SDK1: variants seen among roughly 807,000 people sequenced by gnomAD.
SDK1 encodes sidekick cell adhesion molecule 1.
A neutral mutation model predicts 245.5 loss-of-function variants in SDK1; 157 were observed. The ratio of observed to expected loss-of-function variants is 0.64; its 90% CI spans 0.56 to 0.73. The LOEUF (loss-of-function observed/expected upper bound fraction) is 0.73, where lower values mean the gene tolerates loss of function less well. Among genes scored for constraint, SDK1 ranks in the 30% least tolerant of loss-of-function variants. The probability of loss-of-function intolerance (pLI) is 0.00; values close to 1 mark genes in which losing one functional copy is unlikely to be tolerated. For missense variants in SDK1, 3,583 were observed against 3,002.3 expected (o/e 1.19, Z -4.52); for synonymous variants, 1,647 against 1,278.5 (o/e 1.29, Z -6.15).
chr7:4,065,694 GTTTTTTTTTTTTTTTTTTTTTT>G (rs749991713), intron 19 of SDK1, among the ~76,000 whole-genome samples: 1 of 66,720 alleles, frequency 1.5e-5, no homozygotes, highest in East Asian at 1.0e-3. Flanking sequence ...AGTGGTTGTT[GTTTTTTTTTTTTTTTTTTTTTT>G]TTTTTTTTTT....
intron 7 of SDK1, 75 bp downstream of exon 7, chr7:3,951,995 A>T (rs1780871091): frequency 7.3e-7 from 1 of 1,373,076 alleles, no homozygotes; most frequent in Non-Finnish European, 1.0e-6. Context: ...GCAGAAACAA[A>T]ATAGCGTATT....
rs181259497 is a variant in SDK1, at chr7:3,737,239, G to A, written c.714-84211G>A. ...ATAGGCTGGGCTCCGCAGTTGGACC[G>A]GACTGCTGTCTGGGCTCTCTGGTCA... On this transcript the variant is annotated intron_variant, in intron 4 of 44. Coordinates refer to ENST00000404826, the MANE Select transcript of SDK1 (RefSeq NM_152744.4). Among the ~76,000 whole-genome samples the A allele has an allele frequency of 3.2e-3, 483 of 152,294 alleles. 2 individuals carry two copies. The highest frequency in any genetic ancestry group is 0.02 in the Middle Eastern group (6 of 294).
chr7:3,745,677 C>T (rs1416020881), intron 4 of SDK1, among the ~76,000 whole-genome samples: 3 of 152,090 alleles, frequency 2.0e-5, no homozygotes, highest in Non-Finnish European at 4.4e-5. Context: ...CTATAAAACT[C>T]CCCTGTTGCA....
chr7:3,610,559 A>G (rs1781555112), intron 1 of SDK1, among the ~76,000 whole-genome samples: 1 of 152,200 alleles, frequency 6.6e-6, no homozygotes, highest in Admixed American at 6.5e-5. Context: ...TGTCTTATTA[A>G]TTTATATACT....
chr7:4,221,177 G>A (rs956456296), intron 39 of SDK1, 62 bp from the exon 40 acceptor site: 9 of 1,592,846 alleles, frequency 5.7e-6, no homozygotes, highest in East Asian at 2.2e-5. Flanking sequence ...GAAATCTCAC[G>A]GGGTGGGATG....
intron 1 of SDK1, among the ~76,000 whole-genome samples, chr7:3,330,268 C>G (rs1272057734): frequency 6.6e-6 from 1 of 152,122 alleles, no homozygotes; most frequent in Non-Finnish European, 1.5e-5. Flanking sequence ...CTGCTAGTTT[C>G]CTAAGTGGCT....
intron 1 of SDK1, among the ~76,000 whole-genome samples, chr7:3,412,346 A>C (rs1280305455): frequency 6.6e-6 from 1 of 152,184 alleles, no homozygotes; most frequent in Non-Finnish European, 1.5e-5. Flanking sequence ...AAATGGTATC[A>C]AACTGTATAT....
At chr7:3,442,494 C>G (rs146547503) in intron 1 of SDK1, among the ~76,000 whole-genome samples, 1 of 152,178 alleles carries the variant, frequency 6.6e-6, no homozygotes, top group Non-Finnish European at 1.5e-5. Flanking sequence ...CCTCCTAAGA[C>G]CTCTCTTTTA....
intron 19 of SDK1, among the ~76,000 whole-genome samples, chr7:4,060,103 G>A (rs1386294856): frequency 1.3e-5 from 2 of 151,946 alleles, no homozygotes; most frequent in African/African-American, 2.4e-5. Flanking sequence ...GGATGGTCTC[G>A]ATCTCCTGAC....
chr7:4,256,944 C>G (rs994746981), intron 44 of SDK1, among the ~76,000 whole-genome samples: 2 of 152,222 alleles, frequency 1.3e-5, no homozygotes, highest in African/African-American at 2.4e-5. Flanking sequence ...GCTCAGGAGC[C>G]TTCCTGATCG....
At chr7:3,752,888 T>G (rs1308455781) in intron 4 of SDK1, among the ~76,000 whole-genome samples, 2 of 152,222 alleles carry the variant, frequency 1.3e-5, no homozygotes, top group Non-Finnish European at 2.9e-5. Context: ...CCCACAGTAT[T>G]TGTAATAAAT....
At chr7:3,716,186 G>A (rs1720128720) in intron 4 of SDK1, among the ~76,000 whole-genome samples, 1 of 151,318 alleles carries the variant, frequency 6.6e-6, no homozygotes, top group African/African-American at 2.4e-5. Context: ...TTTTATTGGA[G>A]TTCTAGTAGG....
chr7:3,817,860 C>G (rs1018145670), intron 4 of SDK1, among the ~76,000 whole-genome samples: 2 of 152,248 alleles, frequency 1.3e-5, no homozygotes, highest in African/African-American at 4.8e-5. Flanking sequence ...GCCAGAAGCA[C>G]TTAGCGAGTG....
At chr7:3,685,214 T>TCAA (rs1784242535) in intron 4 of SDK1, among the ~76,000 whole-genome samples, 1 of 148,932 alleles carries the variant, frequency 6.7e-6, no homozygotes. Context: ...AACATTAAGT[T>TCAA]AAAAAAAAAA....
intron 1 of SDK1, among the ~76,000 whole-genome samples, chr7:3,612,636 C>G (rs571865864): frequency 2.6e-5 from 4 of 152,192 alleles, no homozygotes; most frequent in African/African-American, 7.2e-5. Flanking sequence ...AATTCATAAG[C>G]TTGGGGCATG....
At chr7:4,046,595 T>C (rs1037053589) in intron 17 of SDK1, among the ~76,000 whole-genome samples, 9 of 152,222 alleles carry the variant, frequency 5.9e-5, no homozygotes, top group African/African-American at 1.9e-4. Context: ...TGAAAACCAG[T>C]GATATATGTG....
intron 32 of SDK1, among the ~76,000 whole-genome samples, chr7:4,172,950 C>T (rs967589839): frequency 6.6e-6 from 1 of 152,222 alleles, no homozygotes; most frequent in Non-Finnish European, 1.5e-5. Context: ...CGTGCAAAGA[C>T]CCTGTTTCCA....
At chr7:3,959,464 C>A (rs1256759279) in intron 8 of SDK1, among the ~76,000 whole-genome samples, 1 of 152,180 alleles carries the variant, frequency 6.6e-6, no homozygotes, top group African/African-American at 2.4e-5. Flanking sequence ...AGGTACAAGG[C>A]AATTTTGTTC....
Position 4,210,141 on chromosome 7 carries a change from G to C in SDK1, c.5518G>C (p.Glu1840Gln), listed in dbSNP as rs760624642. ...CCTGCAGGGCTATCGGGTGGTGTAC[G>C]AGCCCTTGGCCCCTGTACAAGGTAA... ...GILQGYRVVYEPLAPVQGVSK... is the reference protein window; with the variant it reads ...GILQGYRVVYQPLAPVQGVSK... The change falls in exon 38 of 45, where the codon GAG (glutamate) becomes CAG (glutamine). Residue 1840 changes from glutamate (E) to glutamine (Q), a missense_variant. By Grantham distance (29) the Glu-to-Gln change is conservative. Coordinates refer to ENST00000404826, the MANE Select transcript of SDK1 (RefSeq NM_152744.4). 3 of 1,593,956 alleles carry C rather than the reference G, an allele frequency of 1.9e-6. No homozygotes were observed. The highest frequency in any genetic ancestry group is 2.3e-5 in the South Asian group (2 of 87,868).
Sources: gnomAD v4.1 joint callset for allele counts (sites outside exome capture counted in the v4.1 genomes callset) on GRCh38, gnomAD v4.1.1 for gene constraint, MANE v1.5 for transcripts, NCBI Gene and HGNC (gene_info 2026-07-23, HGNC 2026-07-21) for gene names.